Variants in RBBP8 observed in about 807,000 individuals in gnomAD.
RBBP8 encodes the protein RB binding protein 8, endonuclease, also known as DNA endonuclease RBBP8.
Under a neutral mutation model 108.3 loss-of-function variants are expected in RBBP8, and 88 were observed. The observed-to-expected ratio is 0.81, with a 90% confidence interval of 0.68 to 0.97. RBBP8 has a LOEUF of 0.97. RBBP8 is among the 50% of genes least tolerant of loss of function. RBBP8 has a pLI of 0.00. For missense variants in RBBP8, 1,023 were observed against 1,049.0 expected, an observed-to-expected ratio of 0.98 and a Z score of 0.34; for synonymous variants, 332 against 348.2, an observed-to-expected ratio of 0.95 and a Z score of 0.52.
intron 3 of RBBP8, among the ~76,000 whole-genome samples, chr18:22,921,685 A>AT (rs1909601524): frequency 6.6e-6 from 1 of 152,204 alleles, no homozygotes; most frequent in African/African-American, 2.4e-5. Flanking sequence ...ACTTTAGCCT[A>AT]TTTTTGTCTG....
chr18:22,938,241 C>T (rs2336914), intron 2 of RBBP8, among the ~76,000 whole-genome samples: 3,483 of 152,252 alleles, frequency 0.023, 140 homozygotes, highest in African/African-American at 0.08. Flanking sequence ...AAGTGATTGT[C>T]CCACCTCATC....
At chr18:22,961,309 G>A (rs1348588269) in intron 4 of RBBP8, among the ~76,000 whole-genome samples, 1 of 152,148 alleles carries the variant, frequency 6.6e-6, no homozygotes, top group Non-Finnish European at 1.5e-5. Context: ...AAGAGCTGGG[G>A]GCCCAGCTAT....
chr18:23,011,603 ATTTT>A (rs773076772), intron 16 of RBBP8, among the ~76,000 whole-genome samples: 87 of 151,816 alleles, frequency 5.7e-4, no homozygotes, highest in Non-Finnish European at 9.0e-4. Context: ...CGCCTGGCTA[ATTTT>A]TTTGTGTTTT....
At chr18:22,963,639 T>C (rs2058008222) in intron 4 of RBBP8, among the ~76,000 whole-genome samples, 1 of 152,230 alleles carries the variant, frequency 6.6e-6, no homozygotes. Context: ...TTTTACTGCT[T>C]TCCTTTTTCA....
intron 12 of RBBP8, among the ~76,000 whole-genome samples, chr18:22,995,272 G>T (rs1181438831): frequency 2.0e-5 from 3 of 150,868 alleles, no homozygotes; most frequent in Non-Finnish European, 4.4e-5. Context: ...TTTCATGGTT[G>T]CTCTAGGGAT....
intron 6 of RBBP8, among the ~76,000 whole-genome samples, chr18:22,980,200 T>C (rs1914803521): frequency 6.6e-6 from 1 of 151,880 alleles, no homozygotes; most frequent in Non-Finnish European, 1.5e-5. Context: ...GAGCCGAGAT[T>C]GGACCACTGC....
rs535104075 is a variant in RBBP8 at position 22,967,780 on chromosome 18, G to A, written c.249-1026G>A. Among the ~76,000 whole-genome samples the A allele has an allele frequency of 1.5e-3, 229 of 151,514 alleles. 1 individual carries two copies. Among genetic ancestry groups the A allele is most frequent in the African/African-American group, 5.3e-3 (218 of 41,282 alleles). On this transcript the variant is annotated intron_variant, in intron 4 of 18. Coordinates refer to ENST00000327155, the MANE Select transcript of RBBP8 (RefSeq NM_002894.3). ...TCCTGCCTCAGCCTCCCGAGTAGCT[G>A]GGACTACAGGTGCCCGCCACCACGC...
chr18:22,972,485 C>T (rs1914183154), intron 5 of RBBP8, among the ~76,000 whole-genome samples: 1 of 146,878 alleles, frequency 6.8e-6, no homozygotes, highest in Admixed American at 6.8e-5. Context: ...GCTATCTCGG[C>T]TCACTGCAAC....
intron 9 of RBBP8, among the ~76,000 whole-genome samples, chr18:22,990,309 C>T (rs1424015950): frequency 1.3e-5 from 2 of 152,114 alleles, no homozygotes; most frequent in East Asian, 3.9e-4. Flanking sequence ...AACAAAATCT[C>T]CAGTTGACTT....
intron 12 of RBBP8, among the ~76,000 whole-genome samples, chr18:22,994,696 C>A (rs1364777390): frequency 6.6e-6 from 1 of 150,632 alleles, no homozygotes; most frequent in Non-Finnish European, 1.5e-5. Context: ...ATATAGGCAT[C>A]TTTTCATAAT....
In RBBP8 at chr18:22,996,566, C is replaced by T. The variant is rs990349418; in HGVS notation, c.2028+104C>T. ...TGTATCACCTTAAGATAATCAGATA[C>T]GTCTTAAAACCTACATGTATTTATG... On this transcript the variant is annotated intron_variant, in intron 13 of 18. Transcript: ENST00000327155. 1.1e-5 allele frequency: 16 copies of T among 1,511,360 alleles called. No homozygotes were observed. The Admixed American group carries it at 2.3e-4, about 22-fold the overall frequency. 93.6% of individuals were successfully genotyped at this position (1,511,360 alleles called of 1,614,324 possible).
chr18:23,013,977 G>T (rs889251976), intron 16 of RBBP8, among the ~76,000 whole-genome samples: 10 of 152,184 alleles, frequency 6.6e-5, no homozygotes, highest in African/African-American at 2.4e-4. Flanking sequence ...CTCTGATGGA[G>T]ATGTACAAGG....
chr18:22,989,068 G>T (rs1366879544), intron 8 of RBBP8, among the ~76,000 whole-genome samples, 153 bp from the exon 9 acceptor site: 1 of 152,182 alleles, frequency 6.6e-6, no homozygotes, highest in Non-Finnish European at 1.5e-5. Flanking sequence ...AGGTATTTTG[G>T]ACTTTTTGCA....
intron 16 of RBBP8, among the ~76,000 whole-genome samples, chr18:23,007,699 G>GAAAAAAAA (rs367964120): frequency 2.7e-5 from 3 of 112,516 alleles, no homozygotes; most frequent in Non-Finnish European, 3.4e-5. Flanking sequence ...CTCCGTCTCA[G>GAAAAAAAA]AAAAAAAAAA....
intron 7 of RBBP8, among the ~76,000 whole-genome samples, chr18:22,982,934 C>G (rs1915038697): frequency 6.6e-6 from 1 of 152,192 alleles, no homozygotes; most frequent in African/African-American, 2.4e-5. Context: ...CTGAACTTTC[C>G]TACTCTCCAG....
rs1419607722 is a variant in RBBP8 at position 23,014,251 on chromosome 18, G to GT, written c.2358-2576dup. 3.9e-5 allele frequency among the ~76,000 whole-genome samples: 6 copies of GT among 152,064 alleles called. No homozygotes were observed. In the East Asian group the frequency reaches 1.2e-3, roughly 29 times the overall value. On this transcript the variant is annotated intron_variant, in intron 16 of 18. Coordinates refer to ENST00000327155, the MANE Select transcript of RBBP8 (RefSeq NM_002894.3). ...ATGTTGTTTTCATGCCCGCTAACAC[G>GT]TATCGTTCTGCAGACTGGATCAAGT...
chr18:22,948,963 A>G (rs1405633534), intron 3 of RBBP8, among the ~76,000 whole-genome samples: 2 of 152,182 alleles, frequency 1.3e-5, no homozygotes, highest in Admixed American at 6.5e-5. Flanking sequence ...TGTCTTTGTT[A>G]GTTTTTTTTC....
At chr18:22,971,563 A>G (rs957050674) in intron 5 of RBBP8, among the ~76,000 whole-genome samples, 1 of 151,894 alleles carries the variant, frequency 6.6e-6, no homozygotes, top group African/African-American at 2.4e-5. Context: ...CTTAATTGTG[A>G]ATTTATAAAA....
In RBBP8 at chr18:22,993,251, T is replaced by A. The variant is rs771737270; in HGVS notation, c.1424T>A (p.Met475Lys). 6.2e-7 allele frequency: 1 copy of A among 1,614,214 alleles called. No homozygotes were observed. The highest frequency in any genetic ancestry group is 2.2e-5 in the East Asian group (1 of 44,888). Reference protein sequence around the residue: ...FDKENAFPFPMDNQFSMNGDC... With the variant: ...FDKENAFPFPKDNQFSMNGDC... The stretch of plus-strand genomic sequence containing the variant: ...AAAGAAAATGCTTTCCCTTTTCCAA[T>A]GGATAATCAGTTTTCCATGAATGGA... The change falls in exon 11 of 19, where the codon ATG becomes AAG. Residue 475 changes from methionine to lysine, a missense_variant. By Grantham distance (95) the Met-to-Lys change is moderately conservative (BLOSUM62 -1). Transcript: ENST00000327155.
Sources: allele counts gnomAD v4.1 joint callset (sites outside exome capture counted in the v4.1 genomes callset), GRCh38; gene constraint gnomAD v4.1.1; transcripts MANE v1.5; gene names NCBI Gene and HGNC (gene_info 2026-07-23, HGNC 2026-07-21).